Variants in PTPN4 observed in about 807,000 individuals in gnomAD.
PTPN4 encodes the protein tyrosine-protein phosphatase non-receptor type 4.
In PTPN4, 49 loss-of-function variants were observed where a neutral mutation model predicts 135.5. That is an observed-to-expected ratio of 0.36 (90% CI 0.29 to 0.46). PTPN4 has a LOEUF of 0.46. Ranked by LOEUF, PTPN4 falls within the 20% of genes least tolerant of loss-of-function variation. The probability of loss-of-function intolerance (pLI) is 1.00; values close to 1 mark genes in which losing one functional copy is unlikely to be tolerated. For synonymous variants in PTPN4, 333 were observed against 369.9 expected, an observed-to-expected ratio of 0.90 and a Z score of 1.14; for missense variants, 860 against 1,101.0, an observed-to-expected ratio of 0.78 and a Z score of 3.10.
intron 1 of PTPN4, among the ~76,000 whole-genome samples, chr2:119,807,618 G>A (rs1329242479): frequency 6.6e-6 from 1 of 152,120 alleles, no homozygotes; most frequent in African/African-American, 2.4e-5. Context: ...AGGACCAGAC[G>A]GATTCATAGC....
rs535275587 is a variant in PTPN4, at chr2:119,939,866, G to C, written c.1355+4908G>C. 4.4e-4 allele frequency among the ~76,000 whole-genome samples: 67 copies of C among 152,180 alleles called. No individual in the cohort carries two copies. The South Asian group carries it at 0.014, about 31-fold the overall frequency. ...ACTCTTCAAATACTAGGCTATTCTAGGACAAGGAAGTAAAAAAATCGAAGG... is the reference window on the plus strand; with the variant it reads ...ACTCTTCAAATACTAGGCTATTCTACGACAAGGAAGTAAAAAAATCGAAGG... On this transcript the variant is annotated intron_variant, in intron 15 of 26. Transcript: ENST00000263708.
At chr2:119,936,237 C>T (rs1019822643) in intron 15 of PTPN4, among the ~76,000 whole-genome samples, 3 of 152,128 alleles carry the variant, frequency 2.0e-5, no homozygotes, top group African/African-American at 4.8e-5. Context: ...CTCCTGACCT[C>T]GTGATTCGCC....
At chr2:119,772,857 A>T (rs191701457) in intron 1 of PTPN4, among the ~76,000 whole-genome samples, 4 of 152,330 alleles carry the variant, frequency 2.6e-5, no homozygotes, top group Admixed American at 6.5e-5. Context: ...AATTTTAAAT[A>T]GCAATATGGT....
intron 24 of PTPN4, among the ~76,000 whole-genome samples, chr2:119,964,257 T>C (rs1679414644): frequency 1.3e-5 from 2 of 152,184 alleles, no homozygotes; most frequent in Admixed American, 1.3e-4. Context: ...CTTTAAAGTA[T>C]AGATGTTATT....
At chr2:119,934,764 C>A (rs374048702) in intron 14 of PTPN4, 36 bp from the exon 15 acceptor site, 56 of 1,595,854 alleles carry the variant, frequency 3.5e-5, no homozygotes, top group Middle Eastern at 1.7e-4. Flanking sequence ...TGAATTGAAG[C>A]ATATTTTTAT....
intron 2 of PTPN4, among the ~76,000 whole-genome samples, chr2:119,859,338 G>A (rs903406464): frequency 1.2e-4 from 19 of 152,290 alleles, no homozygotes; most frequent in African/African-American, 4.3e-4. Flanking sequence ...AGACATTTGA[G>A]ACATTTTGTT....
intron 1 of PTPN4, among the ~76,000 whole-genome samples, chr2:119,795,914 A>G (rs887688555): frequency 3.9e-5 from 6 of 152,204 alleles, no homozygotes; most frequent in Admixed American, 2.6e-4. Flanking sequence ...GCATGGGGGC[A>G]AGGTGCAGGT....
chr2:119,921,176 A>C (rs1023308868), intron 12 of PTPN4, among the ~76,000 whole-genome samples: 2 of 152,056 alleles, frequency 1.3e-5, no homozygotes, highest in Admixed American at 6.5e-5. Flanking sequence ...AATCCCAGCT[A>C]CTTGGGAGGC....
intron 1 of PTPN4, among the ~76,000 whole-genome samples, chr2:119,805,507 A>G (rs1269842490): frequency 6.6e-6 from 1 of 152,160 alleles, no homozygotes; most frequent in African/African-American, 2.4e-5. Flanking sequence ...CTTTCTACAT[A>G]TGGCTAGCCA....
intron 22 of PTPN4, among the ~76,000 whole-genome samples, chr2:119,958,165 AATAAAAAT>A (rs1470476194): frequency 5.3e-5 from 8 of 151,924 alleles, no homozygotes; most frequent in South Asian, 2.1e-4. Flanking sequence ...CTCGAATAAA[AATAAAAAT>A]ATAAAAATAT....
At chr2:119,816,407 A>G (rs1485524866) in intron 2 of PTPN4, among the ~76,000 whole-genome samples, 1 of 152,138 alleles carries the variant, frequency 6.6e-6, no homozygotes, top group African/African-American at 2.4e-5. Flanking sequence ...TCAAAAATCA[A>G]AAATTAAAAA....
At chr2:119,875,613 C>T (rs894447720) in intron 3 of PTPN4, among the ~76,000 whole-genome samples, 5 of 152,132 alleles carry the variant, frequency 3.3e-5, no homozygotes, top group Non-Finnish European at 7.4e-5. Context: ...AAAACCCTAC[C>T]CCCAGCTATT....
chr2:119,817,777 T>C lies in PTPN4; in HGVS notation c.138+7786T>C, dbSNP rs1032886248. On this transcript the variant is annotated intron_variant, in intron 2 of 26. Coordinates refer to ENST00000263708, the MANE Select transcript of PTPN4 (RefSeq NM_002830.4). ...GGGTAGTATGACCATGTTAACGATA[T>C]TGATTCTTCCTATCCATGAGCATGG... 4.6e-5 allele frequency among the ~76,000 whole-genome samples: 7 copies of C among 152,368 alleles called. No homozygotes were observed. In the East Asian group the frequency reaches 1.2e-3, roughly 25 times the overall value.
chr2:119,883,808 AGCACATTGTAG>A (rs1018256615), intron 8 of PTPN4, among the ~76,000 whole-genome samples: 4 of 152,232 alleles, frequency 2.6e-5, no homozygotes, highest in Non-Finnish European at 5.9e-5. Context: ...AACCATACAT[AGCACATTGTAG>A]GCACTGAAGA....
At chr2:119,810,027 G>C (rs779689866) in intron 2 of PTPN4, 36 bp downstream of exon 2, 5 of 1,569,408 alleles carry the variant, frequency 3.2e-6, no homozygotes, top group African/African-American at 1.4e-5. Flanking sequence ...ATAATCTCTG[G>C]CTATAAGTCT....
chr2:119,782,224 C>T (rs951645747), intron 1 of PTPN4, among the ~76,000 whole-genome samples: 12 of 152,132 alleles, frequency 7.9e-5, no homozygotes, highest in African/African-American at 2.7e-4. Flanking sequence ...CAAAACCAGC[C>T]TGGCCAACAT....
At chr2:119,875,818 C>T (rs1677975675) in intron 3 of PTPN4, among the ~76,000 whole-genome samples, 1 of 152,014 alleles carries the variant, frequency 6.6e-6, no homozygotes, top group East Asian at 1.9e-4. Flanking sequence ...AGCTTTTATC[C>T]CTGGTTTCAT....
Position 119,760,218 on chromosome 2 carries a change from G to A in PTPN4, c.-184G>A, listed in dbSNP as rs1208786684. ...GCCCGCGGCTGCCCAGCAGCATGAGGTGGTGCTGGCGGCTCCGGGTCGTGG... is the reference window on the plus strand; with the variant it reads ...GCCCGCGGCTGCCCAGCAGCATGAGATGGTGCTGGCGGCTCCGGGTCGTGG... On this transcript the variant is annotated 5_prime_UTR_variant, in exon 1 of 27. The change creates a new upstream start codon in the 5' untranslated region. Transcript: ENST00000263708. The A allele has an allele frequency of 9.3e-5, 37 of 396,428 alleles. No homozygotes were observed. The highest frequency in any genetic ancestry group is 1.3e-3 in the Middle Eastern group (2 of 1,598). 24.6% of individuals were successfully genotyped at this position (396,428 alleles called of 1,614,324 possible).
chr2:119,830,532 G>A (rs1413594069), intron 2 of PTPN4, among the ~76,000 whole-genome samples: 6 of 152,172 alleles, frequency 3.9e-5, no homozygotes, highest in Middle Eastern at 6.8e-3. Flanking sequence ...GCAGTGGCGC[G>A]GTCTTGGCTC....
Sources: gnomAD v4.1 joint callset for allele counts (sites outside exome capture counted in the v4.1 genomes callset) on GRCh38, gnomAD v4.1.1 for gene constraint, MANE v1.5 for transcripts, NCBI Gene and HGNC (gene_info 2026-07-23, HGNC 2026-07-21) for gene names.